DTNA: variants seen among roughly 807,000 people sequenced by gnomAD.
DTNA encodes dystrophin-related protein 3.
Under a neutral mutation model 100.7 loss-of-function variants are expected in DTNA, and 43 were observed. The ratio of observed to expected loss-of-function variants is 0.43; its 90% CI spans 0.33 to 0.55. The LOEUF (loss-of-function observed/expected upper bound fraction) is 0.55, where lower values mean the gene tolerates loss of function less well. Ranked by LOEUF, DTNA falls within the 20% of genes least tolerant of loss-of-function variation. The pLI, the probability that DTNA is intolerant of heterozygous loss-of-function variation, is 0.04. For synonymous variants in DTNA, 349 were observed against 347.9 expected (o/e 1.00, Z -0.04); for missense variants, 798 against 953.9 (o/e 0.84, Z 2.15).
At chr18:34,498,442 T>TAATAATA (rs564930126) in intron 1 of DTNA, among the ~76,000 whole-genome samples, 1 of 141,850 alleles carries the variant, frequency 7.0e-6, no homozygotes, top group Non-Finnish European at 1.5e-5. Flanking sequence ...CAGAAAATAA[T>TAATAATA]ATAATAATAA....
chr18:34,740,626 T>C (rs185895447), intron 1 of DTNA, among the ~76,000 whole-genome samples: 5 of 152,084 alleles, frequency 3.3e-5, no homozygotes, highest in African/African-American at 9.6e-5. Context: ...CTTGTCTCTA[T>C]GAAAAAACTT....
At chr18:34,733,963 A>G (rs2088931822) in intron 1 of DTNA, among the ~76,000 whole-genome samples, 1 of 152,154 alleles carries the variant, frequency 6.6e-6, no homozygotes, top group Non-Finnish European at 1.5e-5. Context: ...GCCTGATCCA[A>G]CTCTATGTTC....
At chr18:34,591,883 C>T (rs1446404474) in intron 1 of DTNA, among the ~76,000 whole-genome samples, 1 of 152,126 alleles carries the variant, frequency 6.6e-6, no homozygotes, top group Non-Finnish European at 1.5e-5. Context: ...CTAAAATAGG[C>T]TAGTAATATG....
intron 1 of DTNA, among the ~76,000 whole-genome samples, chr18:34,555,244 T>C (rs368591909): frequency 1.2e-3 from 182 of 145,710 alleles, no homozygotes; most frequent in African/African-American, 4.6e-3. Context: ...TTTTTTATTG[T>C]GTCTATTTGA....
intron 16 of DTNA, among the ~76,000 whole-genome samples, chr18:34,860,221 T>G (rs12954668): frequency 4.8e-5 from 3 of 62,704 alleles, no homozygotes; most frequent in African/African-American, 1.7e-4. Context: ...TAATTTTTTG[T>G]TTTTTTTTTT....
At chr18:34,631,593 A>G (rs139344092) in intron 1 of DTNA, among the ~76,000 whole-genome samples, 3 of 152,352 alleles carry the variant, frequency 2.0e-5, no homozygotes, top group East Asian at 3.9e-4. Flanking sequence ...TAAAAGATCT[A>G]AATACAATGA....
intron 1 of DTNA, among the ~76,000 whole-genome samples, chr18:34,569,117 A>C (rs2047344253): frequency 1.3e-5 from 2 of 152,178 alleles, no homozygotes; most frequent in African/African-American, 4.8e-5. Flanking sequence ...GCCTGGCTGG[A>C]TCTGAGCTCA....
At chr18:34,882,586 T>C (rs1381967945) in intron 21 of DTNA, among the ~76,000 whole-genome samples, 1 of 152,078 alleles carries the variant, frequency 6.6e-6, no homozygotes, top group Non-Finnish European at 1.5e-5. Flanking sequence ...GCCAGGCCAG[T>C]CTTGAACTCC....
chr18:34,556,522 C>G (rs1393378488), intron 1 of DTNA, among the ~76,000 whole-genome samples: 1 of 151,920 alleles, frequency 6.6e-6, no homozygotes, highest in African/African-American at 2.4e-5. Context: ...TTGTTCCTTT[C>G]CATGTTTAGT....
chr18:34,761,575 A>C (rs1222267168), intron 2 of DTNA, among the ~76,000 whole-genome samples: 1 of 152,164 alleles, frequency 6.6e-6, no homozygotes, highest in Non-Finnish European at 1.5e-5. Context: ...GGGCTAAAGA[A>C]AGGAAAAACT....
At chr18:34,566,081 A>G (rs1345731119) in intron 1 of DTNA, among the ~76,000 whole-genome samples, 2 of 152,214 alleles carry the variant, frequency 1.3e-5, no homozygotes, top group African/African-American at 4.8e-5. Context: ...TCTAGTAATC[A>G]GGAGAAAGTC....
intron 1 of DTNA, among the ~76,000 whole-genome samples, chr18:34,717,182 C>T (rs375003830): frequency 2.6e-5 from 4 of 152,192 alleles, no homozygotes; most frequent in African/African-American, 9.7e-5. Flanking sequence ...CTACTAGCCA[C>T]ATGTGGCTAT....
chr18:34,580,631 T>A (rs1331217081), intron 1 of DTNA, among the ~76,000 whole-genome samples: 1 of 152,210 alleles, frequency 6.6e-6, no homozygotes, highest in Non-Finnish European at 1.5e-5. Flanking sequence ...GCCTCAGAGA[T>A]GTCTGCGTAC....
rs1166439680 is a variant in DTNA at position 34,710,363 on chromosome 18, G to A, written c.-84G>A. The stretch of plus-strand genomic sequence containing the variant: ...TGGAGTTTGTTTGGAAATGTGTAAG[G>A]TCAAATACTATAGTTTTCAGCATAT... On this transcript the variant is annotated 5_prime_UTR_variant, in exon 1 of 23. Transcript: ENST00000444659. 1.3e-5 allele frequency: 2 copies of A among 152,120 alleles called. No individual in the cohort carries two copies. The highest frequency in any genetic ancestry group is 4.8e-5 in the African/African-American group (2 of 41,392). The allele number at this position is 152,120 out of a possible 1,614,324, so 9.4% of individuals were successfully genotyped here.
chr18:34,773,322 C>A (rs1167448499), intron 3 of DTNA, among the ~76,000 whole-genome samples: 1 of 152,266 alleles, frequency 6.6e-6, no homozygotes, highest in African/African-American at 2.4e-5. Flanking sequence ...TCTTGTATTT[C>A]TCAGATAACG....
At chr18:34,537,645 A>G (rs2043847009) in intron 1 of DTNA, among the ~76,000 whole-genome samples, 1 of 151,998 alleles carries the variant, frequency 6.6e-6, no homozygotes, top group Non-Finnish European at 1.5e-5. Flanking sequence ...GCAGCAAAAT[A>G]TGAAGGAATG....
At chr18:34,788,675 T>G (rs1008501554) in intron 3 of DTNA, among the ~76,000 whole-genome samples, 1 of 152,234 alleles carries the variant, frequency 6.6e-6, no homozygotes, top group Non-Finnish European at 1.5e-5. Flanking sequence ...CCCGATATGG[T>G]AAAATCAACT....
intron 1 of DTNA, among the ~76,000 whole-genome samples, chr18:34,731,826 G>A (rs979845388): frequency 2.6e-5 from 4 of 152,200 alleles, no homozygotes; most frequent in Admixed American, 2.6e-4. Context: ...TGGTCAAATG[G>A]AGAGTGTTAA....
chr18:34,639,710 CAGAA>C (rs2059056367), intron 1 of DTNA, among the ~76,000 whole-genome samples: 1 of 152,176 alleles, frequency 6.6e-6, no homozygotes. Flanking sequence ...CTCCAGGACT[CAGAA>C]GGAAAGAAAT....
Sources: allele counts gnomAD v4.1 joint callset (sites outside exome capture counted in the v4.1 genomes callset), GRCh38; gene constraint gnomAD v4.1.1; transcripts MANE v1.5; gene names NCBI Gene and HGNC (gene_info 2026-07-23, HGNC 2026-07-21).